The following MGMT variants were observed in gnomAD, a reference collection of about 807,000 sequenced individuals.
The protein encoded by MGMT is O-6-methylguanine-DNA methyltransferase, also known as methylated-DNA--protein-cysteine methyltransferase.
In MGMT, 14 loss-of-function variants were observed where a neutral mutation model predicts 15.9. That is an observed-to-expected ratio of 0.88 (90% CI 0.58 to 1.37). MGMT has a LOEUF of 1.37. MGMT is among the 40% of genes most tolerant of loss of function. MGMT has a pLI of 0.00. For synonymous variants in MGMT, 130 were observed against 118.2 expected (o/e 1.10, Z -0.65); for missense variants, 282 against 268.1 (o/e 1.05, Z -0.36).
intron 1 of MGMT, among the ~76,000 whole-genome samples, chr10:129,525,870 T>G (rs1845863955): frequency 6.6e-6 from 1 of 152,238 alleles, no homozygotes; most frequent in Admixed American, 6.5e-5. Context: ...TTTCCCTTTT[T>G]CCAGGGCTCC....
intron 3 of MGMT, among the ~76,000 whole-genome samples, chr10:129,726,649 A>G (rs1466693853): frequency 6.6e-6 from 1 of 152,234 alleles, no homozygotes; most frequent in Non-Finnish European, 1.5e-5. Context: ...TAAGTGATGC[A>G]TGGAAACTTG....
intron 2 of MGMT, among the ~76,000 whole-genome samples, chr10:129,616,101 C>T (rs986281614): frequency 4.6e-5 from 7 of 152,188 alleles, no homozygotes; most frequent in African/African-American, 1.4e-4. Flanking sequence ...AGGGCACAGA[C>T]GTGTTCTCTG....
intron 4 of MGMT, among the ~76,000 whole-genome samples, chr10:129,765,894 G>A (rs942264158): frequency 7.2e-5 from 11 of 152,162 alleles, no homozygotes; most frequent in African/African-American, 2.7e-4. Flanking sequence ...CCCACCACAG[G>A]TGGCTCTCAG....
rs1003027004 is a variant in MGMT, at chr10:129,694,794, G to A, written c.126-13101G>A. 1.3e-4 allele frequency among the ~76,000 whole-genome samples: 20 copies of A among 152,178 alleles called. 1 individual carries two copies. Among genetic ancestry groups the A allele is most frequent in the African/African-American group, 4.8e-4 (20 of 41,442 alleles). On this transcript the variant is annotated intron_variant, in intron 2 of 4. Transcript: ENST00000651593. ...CCGGGAGACCAGCCAGCTCAAAGGA[G>A]AAAGGGAGGGGGACAGCATCTGAAC...
intron 1 of MGMT, among the ~76,000 whole-genome samples, chr10:129,530,676 C>T (rs117698648): frequency 0.019 from 2,958 of 152,356 alleles, 49 homozygotes; most frequent in Non-Finnish European, 0.026. Context: ...GCTGCATCTC[C>T]TCTTGTTGAA....
At chr10:129,582,688 G>A (rs968123059) in intron 2 of MGMT, among the ~76,000 whole-genome samples, 2 of 151,288 alleles carry the variant, frequency 1.3e-5, no homozygotes, top group African/African-American at 4.9e-5. Flanking sequence ...ACTGCTTTTT[G>A]GTATCTAAAT....
At chr10:129,542,252 T>A (rs1373378401) in intron 2 of MGMT, among the ~76,000 whole-genome samples, 2 of 152,176 alleles carry the variant, frequency 1.3e-5, no homozygotes, top group Non-Finnish European at 2.9e-5. Flanking sequence ...GGGTCCCGGC[T>A]GGCTTGGTAT....
intron 1 of MGMT, among the ~76,000 whole-genome samples, chr10:129,470,336 C>T (rs780208698): frequency 6.6e-6 from 1 of 152,148 alleles, no homozygotes; most frequent in African/African-American, 2.4e-5. Context: ...TGTGGCTTTT[C>T]ATTAACTGCT....
rs970924781 is a variant in MGMT at position 129,739,608 on chromosome 10, C to T, written c.275-19594C>T. On this transcript the variant is annotated intron_variant, in intron 3 of 4. Transcript: ENST00000651593. ...CAGAGCCCCTACGCCCTGGTCAGAT[C>T]AGAACCAGGTCAGAACTCCCCTACA... Among the ~76,000 whole-genome samples, 9 of 151,324 alleles carry T rather than the reference C, an allele frequency of 5.9e-5. 1 individual carries two copies. Among genetic ancestry groups the T allele is most frequent in the Non-Finnish European group, 1.2e-4 (8 of 67,846 alleles).
chr10:129,496,272 G>T (rs959167203), intron 1 of MGMT, among the ~76,000 whole-genome samples: 1 of 152,062 alleles, frequency 6.6e-6, no homozygotes, highest in Non-Finnish European at 1.5e-5. Flanking sequence ...GTTCCATCCC[G>T]CTCCAAAAGC....
At chr10:129,573,296 A>G (rs1414038853) in intron 2 of MGMT, among the ~76,000 whole-genome samples, 5 of 152,246 alleles carry the variant, frequency 3.3e-5, no homozygotes, top group Admixed American at 6.5e-5. Flanking sequence ...AAAACTTTTA[A>G]TTGGGCAATA....
intron 2 of MGMT, among the ~76,000 whole-genome samples, chr10:129,688,417 T>G (rs1479386242): frequency 2.0e-5 from 3 of 152,248 alleles, no homozygotes; most frequent in Admixed American, 2.0e-4. Context: ...ATTGTGGTTT[T>G]GATTTGCATT....
chr10:129,645,047 C>G (rs900548350), intron 2 of MGMT, among the ~76,000 whole-genome samples: 2 of 151,678 alleles, frequency 1.3e-5, no homozygotes, highest in Admixed American at 1.3e-4. Context: ...CATAGAAATT[C>G]TCCCACGCTC....
At chr10:129,669,353 C>A (rs1847696263) in intron 2 of MGMT, among the ~76,000 whole-genome samples, 1 of 152,064 alleles carries the variant, frequency 6.6e-6, no homozygotes, top group Non-Finnish European at 1.5e-5. Context: ...TTTTCCTGAT[C>A]TTTCTGGCTG....
chr10:129,688,989 G>A (rs183609262), intron 2 of MGMT, among the ~76,000 whole-genome samples: 122 of 151,986 alleles, frequency 8.0e-4, no homozygotes, highest in African/African-American at 2.6e-3. Context: ...ACAGGGTCTC[G>A]CTGTGTCACC....
intron 2 of MGMT, among the ~76,000 whole-genome samples, chr10:129,618,674 AT>A (rs1847056370): frequency 9.4e-6 from 1 of 106,440 alleles, no homozygotes; most frequent in Admixed American, 1.0e-4. Flanking sequence ...TGGTTTTGTA[AT>A]TTTTTGGTAT....
At chr10:129,760,154 C>A (rs573949929) in intron 4 of MGMT, among the ~76,000 whole-genome samples, 1 of 152,340 alleles carries the variant, frequency 6.6e-6, no homozygotes, top group South Asian at 2.1e-4. Flanking sequence ...TCTCACAGCA[C>A]CCAGGCCTGG....
intron 2 of MGMT, among the ~76,000 whole-genome samples, chr10:129,562,086 C>T (rs1299009726): frequency 2.0e-5 from 3 of 152,160 alleles, no homozygotes; most frequent in Non-Finnish European, 4.4e-5. Flanking sequence ...AGGCACGTTC[C>T]ATTCTGACTC....
chr10:129,746,924 T>C (rs1440799841), intron 3 of MGMT, among the ~76,000 whole-genome samples: 1 of 152,186 alleles, frequency 6.6e-6, no homozygotes, highest in African/African-American at 2.4e-5. Context: ...GGTCAGTTTG[T>C]TAGAATTCAA....
Sources: gnomAD v4.1 joint callset for allele counts (sites outside exome capture counted in the v4.1 genomes callset) on GRCh38, gnomAD v4.1.1 for gene constraint, MANE v1.5 for transcripts, NCBI Gene and HGNC (gene_info 2026-07-23, HGNC 2026-07-21) for gene names.